The following GXYLT1 variants were observed in gnomAD, a reference collection of about 807,000 sequenced individuals.
The protein encoded by GXYLT1 is glucoside xylosyltransferase 1.
In GXYLT1, 29 loss-of-function variants were observed where a neutral mutation model predicts 54.0. The observed-to-expected ratio is 0.54, with a 90% CI of 0.40 to 0.73. The LOEUF (loss-of-function observed/expected upper bound fraction) is 0.73, where lower values mean the gene tolerates loss of function less well. GXYLT1 is among the 30% of genes least tolerant of loss of function. The pLI is 0.00. For synonymous variants in GXYLT1, 176 were observed against 204.1 expected (o/e 0.86, Z 1.17); for missense variants, 490 against 553.4 (o/e 0.89, Z 1.15).
chr12:42,103,311 C>T (rs1263430530), intron 5 of GXYLT1, among the ~76,000 whole-genome samples: 2 of 152,170 alleles, frequency 1.3e-5, no homozygotes, highest in East Asian at 3.8e-4. Context: ...TCGAAATGAA[C>T]AGCCACAAGT....
chr12:42,136,909 G>A (rs1006868573), intron 1 of GXYLT1, among the ~76,000 whole-genome samples: 9 of 151,968 alleles, frequency 5.9e-5, no homozygotes, highest in African/African-American at 2.2e-4. Flanking sequence ...GAGTAGCTGG[G>A]ACCACAGGCG....
At chr12:42,120,854 GCTCT>G (rs1054265445) in intron 2 of GXYLT1, among the ~76,000 whole-genome samples, 5 of 152,190 alleles carry the variant, frequency 3.3e-5, no homozygotes, top group East Asian at 1.9e-4. Context: ...TCTTTTTAAA[GCTCT>G]CTATTATTTT....
chr12:42,139,134 T>G (rs994042630), intron 1 of GXYLT1, among the ~76,000 whole-genome samples: 4 of 151,966 alleles, frequency 2.6e-5, no homozygotes, highest in Non-Finnish European at 5.9e-5. Context: ...AGGTCAAGGC[T>G]GCAGTGAGCC....
intron 1 of GXYLT1, among the ~76,000 whole-genome samples, chr12:42,137,698 C>A (rs1262883028): frequency 6.8e-6 from 1 of 147,678 alleles, no homozygotes; most frequent in Non-Finnish European, 1.5e-5. Flanking sequence ...CGGAGCTTGC[C>A]TTGAGCCGAG....
chr12:42,092,029 C>T (rs2065331987), intron 7 of GXYLT1, among the ~76,000 whole-genome samples: 1 of 152,198 alleles, frequency 6.6e-6, no homozygotes, highest in Non-Finnish European at 1.5e-5. Context: ...TCAGGGCCCA[C>T]TTCAAAAGCC....
intron 1 of GXYLT1, among the ~76,000 whole-genome samples, chr12:42,133,432 G>A (rs1163143841): frequency 6.6e-6 from 1 of 152,022 alleles, no homozygotes; most frequent in Non-Finnish European, 1.5e-5. Context: ...CTATTTCTTG[G>A]AACACTCTTT....
chr12:42,112,090 G>C (rs945605012), intron 3 of GXYLT1, among the ~76,000 whole-genome samples: 3 of 152,146 alleles, frequency 2.0e-5, no homozygotes, highest in Admixed American at 1.3e-4. Flanking sequence ...GGTCCTGTCT[G>C]GTAGAAGGAA....
intron 1 of GXYLT1, among the ~76,000 whole-genome samples, chr12:42,139,112 C>T (rs2065637609): frequency 6.6e-6 from 1 of 151,684 alleles, no homozygotes; most frequent in Admixed American, 6.6e-5. Context: ...GGGAGGATCA[C>T]TTGAGCCCAG....
intron 3 of GXYLT1, among the ~76,000 whole-genome samples, chr12:42,114,484 A>G (rs1055072267): frequency 2.6e-5 from 4 of 152,242 alleles, no homozygotes; most frequent in Non-Finnish European, 5.9e-5. Flanking sequence ...AACTACCATC[A>G]GACAATACTA....
intron 1 of GXYLT1, among the ~76,000 whole-genome samples, chr12:42,133,542 G>A (rs748763961): frequency 5.9e-5 from 9 of 152,198 alleles, no homozygotes; most frequent in South Asian, 2.1e-4. Context: ...TCAAAAGCCA[G>A]CATCAACTGC....
At chr12:42,091,842 ACCACCT>A (rs1430664136) in intron 7 of GXYLT1, among the ~76,000 whole-genome samples, 2 of 152,206 alleles carry the variant, frequency 1.3e-5, no homozygotes, top group African/African-American at 4.8e-5. Flanking sequence ...AACATGGCAT[ACCACCT>A]CCACATCCAC....
At chr12:42,118,723 C>T (rs1159264276) in intron 3 of GXYLT1, among the ~76,000 whole-genome samples, 1 of 152,164 alleles carries the variant, frequency 6.6e-6, no homozygotes, top group Non-Finnish European at 1.5e-5. Context: ...CTCATGAGGT[C>T]TCATGGTTTA....
rs1453367024 is a variant in GXYLT1, at chr12:42,086,670, A to C, written c.*1116T>G. ...TCTTAGGTGATATTCAAAAATGCAC[A>C]TCAACCCAATTAAAACCACATTTTC... On this transcript the variant is annotated 3_prime_UTR_variant, in exon 8 of 8. Transcript: ENST00000398675. 1 of 151,734 alleles carries C rather than the reference A, an allele frequency of 6.6e-6. No homozygotes were observed. Among genetic ancestry groups the C allele is most frequent in the Non-Finnish European group, 1.5e-5 (1 of 67,914 alleles). 9.4% of individuals were successfully genotyped at this position (151,734 alleles called of 1,614,324 possible).
In GXYLT1 at chr12:42,087,861, T is replaced by A; in HGVS notation, c.1248A>T (p.Lys416Asn). Residue 416 changes from lysine (K) to asparagine (N), a missense_variant, in exon 8 of 8, where the codon AAA becomes AAT. Physicochemically the swap from Lys to Asn is moderately conservative, Grantham distance 94 (BLOSUM62 0). Transcript: ENST00000398675. ...GTTGTTTGATAAATATTTTGTAAAT[T>A]TTTCCACAGTATGTATGCACTGTTT... Reference protein sequence around the residue: ...LQKTVHTYCGKIYKIFIKQLA... With the variant: ...LQKTVHTYCGNIYKIFIKQLA... 1 of 1,603,532 alleles carries A rather than the reference T, an allele frequency of 6.2e-7. No homozygotes were observed. The highest frequency in any genetic ancestry group is 8.5e-7 in the Non-Finnish European group (1 of 1,172,314).
At chr12:42,114,614 G>C (rs1038886580) in intron 3 of GXYLT1, among the ~76,000 whole-genome samples, 56 of 152,096 alleles carry the variant, frequency 3.7e-4, no homozygotes, top group Admixed American at 9.2e-4. Flanking sequence ...CCAACAACAG[G>C]CTCTGAAATT....
rs2065452498 is a variant in GXYLT1, at chr12:42,111,229, AT to A, written c.487-1539del. Among the ~76,000 whole-genome samples, 2 of 152,232 alleles carry A rather than the reference AT, an allele frequency of 1.3e-5. 1 individual carries two copies. The highest frequency in any genetic ancestry group is 2.9e-5 in the Non-Finnish European group (2 of 68,034). On this transcript the variant is annotated intron_variant, in intron 3 of 7. Coordinates refer to ENST00000398675, the MANE Select transcript of GXYLT1 (RefSeq NM_173601.2). The stretch of plus-strand genomic sequence containing the variant: ...AACGCAGAAGACAGGTGATTTCTGC[AT>A]TTCCAACTGAGGTACCGGGTTCATC...
At chr12:42,114,522 A>T (rs1023277312) in intron 3 of GXYLT1, among the ~76,000 whole-genome samples, 1 of 152,222 alleles carries the variant, frequency 6.6e-6, no homozygotes, top group Non-Finnish European at 1.5e-5. Flanking sequence ...ATAAACTAGA[A>T]AATCTAGAAG....
chr12:42,101,968 G>A (rs1329561721), intron 5 of GXYLT1, among the ~76,000 whole-genome samples: 1 of 152,110 alleles, frequency 6.6e-6, no homozygotes, highest in Non-Finnish European at 1.5e-5. Context: ...TATGTCAAGG[G>A]GAGACCTGTC....
At chr12:42,116,643 G>C (rs947638596) in intron 3 of GXYLT1, among the ~76,000 whole-genome samples, 2 of 152,198 alleles carry the variant, frequency 1.3e-5, no homozygotes, top group African/African-American at 4.8e-5. Flanking sequence ...TGCTGGAGAG[G>C]ATGTGGAGAA....
Sources: gnomAD v4.1 joint callset for allele counts (sites outside exome capture counted in the v4.1 genomes callset) on GRCh38, gnomAD v4.1.1 for gene constraint, MANE v1.5 for transcripts, NCBI Gene and HGNC (gene_info 2026-07-23, HGNC 2026-07-21) for gene names.